The following GLI3 variants were observed in gnomAD, a reference collection of about 807,000 sequenced individuals.
GLI3 encodes transcription activator GLI3.
GLI3 carries 20 observed loss-of-function variants against 100.8 expected under a neutral mutation model. That is an observed-to-expected ratio of 0.20 (90% confidence interval 0.14 to 0.29). GLI3 has a LOEUF of 0.29. GLI3 is among the 10% of genes least tolerant of loss of function. The probability of loss-of-function intolerance (pLI) is 1.00; values close to 1 mark genes in which losing one functional copy is unlikely to be tolerated. For synonymous variants in GLI3, 938 were observed against 860.5 expected, an observed-to-expected ratio of 1.09 and a Z score of -1.58; for missense variants, 2,040 against 2,128.5, an observed-to-expected ratio of 0.96 and a Z score of 0.82.
intron 1 of GLI3, among the ~76,000 whole-genome samples, chr7:42,233,056 A>G (rs1023419312): frequency 6.6e-6 from 1 of 152,240 alleles, no homozygotes; most frequent in African/African-American, 2.4e-5. Context: ...GACACCATGT[A>G]AAGTTTGCGA....
intron 2 of GLI3, among the ~76,000 whole-genome samples, chr7:42,148,805 C>A (rs1786785246): frequency 6.6e-6 from 1 of 152,176 alleles, no homozygotes; most frequent in African/African-American, 2.4e-5. Flanking sequence ...CAACATCTTG[C>A]AGGTCCCACG....
chr7:41,980,126 G>C (rs1787616215), intron 10 of GLI3, among the ~76,000 whole-genome samples: 1 of 152,246 alleles, frequency 6.6e-6, no homozygotes, highest in African/African-American at 2.4e-5. Flanking sequence ...AGAGCAGAGA[G>C]AGAGTGGTAC....
chr7:42,108,131 A>G lies in GLI3; in HGVS notation c.368-31274T>C, dbSNP rs928777832. Among the ~76,000 whole-genome samples the G allele has an allele frequency of 1.4e-4, 22 of 152,322 alleles. 3 individuals carry two copies. The South Asian group carries it at 4.6e-3, about 32-fold the overall frequency. On this transcript the variant is annotated intron_variant, in intron 3 of 14. Coordinates refer to ENST00000395925, the MANE Select transcript of GLI3 (RefSeq NM_000168.6). ...ACACAATGTCAAATATCCAGATGAA[A>G]AGTGAAAACTTGAGCAAATCCTCCA...
intron 10 of GLI3, among the ~76,000 whole-genome samples, chr7:42,002,291 T>A (rs1788325307): frequency 6.6e-6 from 1 of 152,194 alleles, no homozygotes; most frequent in Non-Finnish European, 1.5e-5. Context: ...AATCTTGATA[T>A]TAAACAAATT....
intron 2 of GLI3, among the ~76,000 whole-genome samples, chr7:42,177,144 G>A (rs1787496569): frequency 6.6e-6 from 1 of 152,122 alleles, no homozygotes; most frequent in Non-Finnish European, 1.5e-5. Flanking sequence ...TGTCCTAGTT[G>A]CAGCCCATAT....
intron 2 of GLI3, among the ~76,000 whole-genome samples, chr7:42,160,067 G>A (rs1270056699): frequency 6.6e-6 from 1 of 152,176 alleles, no homozygotes; most frequent in Non-Finnish European, 1.5e-5. Flanking sequence ...CAGGTTGTCA[G>A]CTGCCTCCTC....
At chr7:42,013,332 C>A (rs1319270739) in intron 10 of GLI3, among the ~76,000 whole-genome samples, 1 of 152,084 alleles carries the variant, frequency 6.6e-6, no homozygotes, top group East Asian at 1.9e-4. Flanking sequence ...ATGTATGGAA[C>A]TATTTGCCAG....
chr7:42,226,405 A>G (rs1788583087), intron 1 of GLI3, among the ~76,000 whole-genome samples: 1 of 152,200 alleles, frequency 6.6e-6, no homozygotes, highest in African/African-American at 2.4e-5. Flanking sequence ...CCCAAGGCAA[A>G]GGACTTTATT....
At chr7:42,003,389 T>A (rs550469048) in intron 10 of GLI3, among the ~76,000 whole-genome samples, 2 of 152,110 alleles carry the variant, frequency 1.3e-5, no homozygotes, top group South Asian at 4.1e-4. Flanking sequence ...ACAATTAAAA[T>A]TTAACATAGC....
intron 9 of GLI3, 147 bp from the exon 10 acceptor site, chr7:42,023,755 T>C: frequency 2.9e-6 from 2 of 683,460 alleles, no homozygotes; most frequent in South Asian, 1.8e-5. Flanking sequence ...TAAAATCATA[T>C]CTGTGCATAT....
chr7:42,012,504 G>T (rs1788645993), intron 10 of GLI3, among the ~76,000 whole-genome samples: 1 of 152,152 alleles, frequency 6.6e-6, no homozygotes, highest in African/African-American at 2.4e-5. Context: ...TCACAAATCA[G>T]TAGGACCTAG....
chr7:42,087,499 T>C (rs1785127359), intron 3 of GLI3, among the ~76,000 whole-genome samples: 1 of 152,302 alleles, frequency 6.6e-6, no homozygotes, highest in Non-Finnish European at 1.5e-5. Flanking sequence ...CAGACACTGA[T>C]GGGCGCTCAG....
intron 3 of GLI3, among the ~76,000 whole-genome samples, chr7:42,140,145 A>G (rs1336008244): frequency 6.6e-6 from 1 of 151,784 alleles, no homozygotes; most frequent in African/African-American, 2.4e-5. Flanking sequence ...TTCAGATATC[A>G]CCTCCTCCGG....
chr7:42,079,088 T>C (rs899555840), intron 3 of GLI3, among the ~76,000 whole-genome samples: 7 of 152,212 alleles, frequency 4.6e-5, no homozygotes, highest in African/African-American at 1.4e-4. Context: ...ATATTTTAAG[T>C]TTACCACTTA....
chr7:42,225,957 T>C (rs1788573140), intron 1 of GLI3, among the ~76,000 whole-genome samples: 1 of 152,240 alleles, frequency 6.6e-6, no homozygotes, highest in Non-Finnish European at 1.5e-5. Flanking sequence ...ATCGCATCAA[T>C]GACCCTGTGA....
intron 3 of GLI3, among the ~76,000 whole-genome samples, chr7:42,092,834 G>C (rs1315263823): frequency 6.8e-6 from 1 of 147,650 alleles, no homozygotes; most frequent in Non-Finnish European, 1.5e-5. Flanking sequence ...TATTTATAGA[G>C]ACGGAGTCTT....
chr7:41,990,664 A>G (rs1048466093), intron 10 of GLI3, among the ~76,000 whole-genome samples: 13 of 152,166 alleles, frequency 8.5e-5, no homozygotes, highest in Admixed American at 2.0e-4. Context: ...TAATATTGGG[A>G]GAAAAGTTGA....
Position 41,966,310 on chromosome 7 carries a change from G to C in GLI3, c.2763C>G (p.Leu921=). Residue 921 remains leucine (L), a synonymous_variant, in exon 15 of 15, where the codon CTC becomes CTG. Transcript: ENST00000395925. The surrounding 1 kb of genome is among the most constrained non-coding windows in gnomAD (Gnocchi z 5.8). ...TGAGGCGGTACTGCTGGGCGGGCGTGAGGCTGAGCAGGCTGGGCAGGCCGT... is the reference window on the plus strand; with the variant it reads ...TGAGGCGGTACTGCTGGGCGGGCGTCAGGCTGAGCAGGCTGGGCAGGCCGT... ...QSDGLPSLLS[L]TPAQQYRLKA... 1.2e-6 allele frequency: 2 copies of C among 1,607,918 alleles called. No individual in the cohort carries two copies. The highest frequency in any genetic ancestry group is 2.2e-5 in the East Asian group (1 of 44,830).
chr7:42,053,368 CG>C (rs1562705360), intron 4 of GLI3, among the ~76,000 whole-genome samples: 1 of 152,078 alleles, frequency 6.6e-6, no homozygotes, highest in Non-Finnish European at 1.5e-5. Flanking sequence ...ATCAGGCAGA[CG>C]TGTGTTCACT....
Sources: allele counts gnomAD v4.1 joint callset (sites outside exome capture counted in the v4.1 genomes callset), GRCh38; gene constraint gnomAD v4.1.1; non-coding constraint Gnocchi (gnomAD v3.1); transcripts MANE v1.5; gene names NCBI Gene and HGNC (gene_info 2026-07-23, HGNC 2026-07-21).